ZNF385D: variants seen among roughly 807,000 people sequenced by gnomAD.
ZNF385D encodes the protein zinc finger protein 659.
Under a neutral mutation model 35.8 loss-of-function variants are expected in ZNF385D, and 15 were observed. That is an observed-to-expected ratio of 0.42 (90% CI 0.28 to 0.64). The LOEUF is 0.64. ZNF385D is among the 30% of genes least tolerant of loss of function. The pLI is 0.23. For synonymous variants in ZNF385D, 212 were observed against 186.8 expected (o/e 1.13, Z -1.10); for missense variants, 474 against 494.6 (o/e 0.96, Z 0.39).
intron 2 of ZNF385D, among the ~76,000 whole-genome samples, chr3:22,196,915 C>T (rs1318548811): frequency 6.6e-6 from 1 of 151,946 alleles, no homozygotes; most frequent in Non-Finnish European, 1.5e-5. Flanking sequence ...CAAATTCTTT[C>T]ACTTTTCTTT....
At chr3:21,763,094 G>C (rs933379448) in intron 3 of ZNF385D, among the ~76,000 whole-genome samples, 2 of 152,200 alleles carry the variant, frequency 1.3e-5, no homozygotes, top group East Asian at 1.9e-4. Flanking sequence ...CCAAAGACAA[G>C]AATATGGTAA....
rs1327272470 is a variant in ZNF385D at position 22,171,666 on chromosome 3, G to A, written c.107-2631C>T. ...CCGAGGCGGGTGGATCACAAGGTCA[G>A]GAGATCGAGACCATCGTGGCTAACA... is the stretch of plus-strand genomic sequence containing the variant. On this transcript the variant is annotated intron_variant, in intron 2 of 5. Transcript: ENST00000494108. Among the ~76,000 whole-genome samples the A allele has an allele frequency of 3.3e-5, 5 of 151,944 alleles. No homozygotes were observed. In the East Asian group the frequency reaches 7.7e-4, roughly 24 times the overall value.
chr3:21,947,107 A>C (rs1701828251), intron 3 of ZNF385D, among the ~76,000 whole-genome samples: 1 of 152,192 alleles, frequency 6.6e-6, no homozygotes. Flanking sequence ...AGGTGATATA[A>C]ATATTTCAGT....
intron 3 of ZNF385D, among the ~76,000 whole-genome samples, chr3:21,833,086 C>A (rs1016998297): frequency 6.6e-6 from 1 of 152,154 alleles, no homozygotes; most frequent in African/African-American, 2.4e-5. Context: ...ATTCATCAAT[C>A]AACGAATATT....
chr3:21,838,818 G>A (rs913184694), intron 3 of ZNF385D, among the ~76,000 whole-genome samples: 3 of 152,024 alleles, frequency 2.0e-5, no homozygotes, highest in African/African-American at 7.2e-5. Flanking sequence ...ATTTTAATAG[G>A]TGTCTTGATT....
rs552448347 is a variant in ZNF385D, at chr3:21,931,211, T to A, written c.325+237606A>T. 2.0e-3 allele frequency among the ~76,000 whole-genome samples: 309 copies of A among 152,290 alleles called. 1 individual carries two copies. Among genetic ancestry groups the A allele is most frequent in the African/African-American group, 7.0e-3 (291 of 41,572 alleles). On this transcript the variant is annotated intron_variant, in intron 3 of 5. Coordinates refer to the ZNF385D transcript ENST00000494108. ...GAAGAATGCTCAGTATCTTTAGTAGTTAAGAAAATGCAAATTAAAATCACA... is the reference window on the plus strand; with the variant it reads ...GAAGAATGCTCAGTATCTTTAGTAGATAAGAAAATGCAAATTAAAATCACA...
chr3:22,255,206 A>C (rs1259954660), intron 2 of ZNF385D, among the ~76,000 whole-genome samples: 1 of 151,782 alleles, frequency 6.6e-6, no homozygotes, highest in Non-Finnish European at 1.5e-5. Context: ...AGAAAAGAAA[A>C]AAACTTTGTA....
At chr3:22,200,833 T>C (rs1185399593) in intron 2 of ZNF385D, among the ~76,000 whole-genome samples, 1 of 152,136 alleles carries the variant, frequency 6.6e-6, no homozygotes, top group African/African-American at 2.4e-5. Flanking sequence ...TTTCTCCCAT[T>C]TGCTTTTGAA....
At chr3:22,004,212 C>T (rs1323211813) in intron 3 of ZNF385D, among the ~76,000 whole-genome samples, 1 of 152,054 alleles carries the variant, frequency 6.6e-6, no homozygotes, top group Non-Finnish European at 1.5e-5. Context: ...ATACCGTCTT[C>T]AATAAATGGT....
chr3:21,522,061 A>G (rs1407231414), intron 3 of ZNF385D, among the ~76,000 whole-genome samples: 6 of 152,320 alleles, frequency 3.9e-5, no homozygotes, highest in East Asian at 1.9e-4. Context: ...GTATAAATCA[A>G]TTCGGTGCCC....
intron 3 of ZNF385D, among the ~76,000 whole-genome samples, chr3:21,891,204 T>C (rs1698843104): frequency 6.6e-6 from 1 of 152,194 alleles, no homozygotes; most frequent in African/African-American, 2.4e-5. Flanking sequence ...AATAAACAGA[T>C]ATTTCGTTAT....
chr3:22,195,504 T>G (rs1200018078), intron 2 of ZNF385D, among the ~76,000 whole-genome samples: 1 of 152,058 alleles, frequency 6.6e-6, no homozygotes, highest in East Asian at 1.9e-4. Context: ...TTTTTCCTGA[T>G]CCAGTTCATA....
intron 3 of ZNF385D, among the ~76,000 whole-genome samples, chr3:22,084,439 T>C (rs2125589213): frequency 6.6e-6 from 1 of 152,174 alleles, no homozygotes; most frequent in East Asian, 1.9e-4. Context: ...TAGTCTCTGA[T>C]TAAACAGACT....
intron 3 of ZNF385D, among the ~76,000 whole-genome samples, chr3:21,937,013 T>A (rs76659740): frequency 6.6e-5 from 10 of 152,266 alleles, no homozygotes; most frequent in Admixed American, 5.2e-4. Flanking sequence ...TAATGTAACA[T>A]TGTAATAAGC....
chr3:22,236,036 T>C lies in ZNF385D; in HGVS notation c.107-67001A>G, dbSNP rs146717127. The stretch of plus-strand genomic sequence containing the variant: ...CATAAAGAATCATTGCAACATTGAT[T>C]GTAACAGCAAGGAATTTGGGGAAAA... On this transcript the variant is annotated intron_variant, in intron 2 of 5. Coordinates refer to the ZNF385D transcript ENST00000494108. Among the ~76,000 whole-genome samples, 333 of 152,244 alleles carry C rather than the reference T, an allele frequency of 2.2e-3. 1 individual carries two copies. Among genetic ancestry groups the C allele is most frequent in the Middle Eastern group, 0.014 (4 of 294 alleles).
intron 3 of ZNF385D, among the ~76,000 whole-genome samples, chr3:22,112,968 C>T (rs569756661): frequency 9.1e-4 from 139 of 152,146 alleles, no homozygotes; most frequent in Non-Finnish European, 1.4e-3. Context: ...AAGTATAGAA[C>T]TTTAGTCTCT....
chr3:21,450,960 A>T (rs1702421127), intron 4 of ZNF385D, among the ~76,000 whole-genome samples: 1 of 152,176 alleles, frequency 6.6e-6, no homozygotes, highest in Admixed American at 6.5e-5. Flanking sequence ...ACTTAAGTTG[A>T]ATAGATCTGA....
At chr3:21,512,827 G>A (rs921738099) in intron 3 of ZNF385D, among the ~76,000 whole-genome samples, 27 of 151,822 alleles carry the variant, frequency 1.8e-4, no homozygotes, top group African/African-American at 4.6e-4. Flanking sequence ...CAAGTCCTTC[G>A]GCCATAACAT....
intron 3 of ZNF385D, among the ~76,000 whole-genome samples, chr3:21,990,637 C>T (rs1695096961): frequency 6.6e-6 from 1 of 152,180 alleles, no homozygotes; most frequent in African/African-American, 2.4e-5. Context: ...CTATCTGGCA[C>T]AGGGATACTA....
Sources: gnomAD v4.1 joint callset for allele counts (sites outside exome capture counted in the v4.1 genomes callset) on GRCh38, gnomAD v4.1.1 for gene constraint, MANE v1.5 for transcripts, NCBI Gene and HGNC (gene_info 2026-07-23, HGNC 2026-07-21) for gene names.